Variants in VOPP1 observed in about 807,000 individuals in gnomAD.
VOPP1 encodes the protein WW domain binding protein VOPP1.
In VOPP1, 8 loss-of-function variants were observed where a neutral mutation model predicts 23.5. That is an observed-to-expected ratio of 0.34 (90% confidence interval 0.20 to 0.61). The LOEUF (loss-of-function observed/expected upper bound fraction) is 0.61, where lower values mean the gene tolerates loss of function less well. VOPP1 is among the 20% of genes least tolerant of loss of function. The pLI is 0.78. For synonymous variants in VOPP1, 83 were observed against 97.3 expected (o/e 0.85, Z 0.86); for missense variants, 174 against 238.1 (o/e 0.73, Z 1.77).
At chr7:55,492,242 C>T (rs747245223) in intron 4 of VOPP1, 40 bp downstream of exon 4, 8 of 1,577,614 alleles carry the variant, frequency 5.1e-6, no homozygotes, top group Non-Finnish European at 6.9e-6. Flanking sequence ...GCAGACGACA[C>T]ACACTGTGGG....
At chr7:55,520,996 C>T in intron 2 of VOPP1, 76 bp downstream of exon 2, 1 of 1,494,424 alleles carries the variant, frequency 6.7e-7, no homozygotes, top group African/African-American at 1.4e-5. Flanking sequence ...CATCCCACAC[C>T]CAGAACTTTA....
chr7:55,436,421 G>A (rs1451597774), intron 4 of VOPP1, among the ~76,000 whole-genome samples: 2 of 152,174 alleles, frequency 1.3e-5, no homozygotes, highest in South Asian at 2.1e-4. Flanking sequence ...CCTCTAGTCC[G>A]TGTAAGTGCT....
intron 1 of VOPP1, chr7:55,552,805 G>C: frequency 1.3e-6 from 2 of 1,487,672 alleles, no homozygotes; most frequent in Non-Finnish European, 1.8e-6. Flanking sequence ...CCTCCCATGG[G>C]CTGAGTCACT....
intron 1 of VOPP1, among the ~76,000 whole-genome samples, chr7:55,524,521 A>G (rs1437876201): frequency 1.6e-4 from 25 of 152,244 alleles, no homozygotes; most frequent in Admixed American, 1.6e-3. Context: ...TACTACACAC[A>G]TGTACTAACT....
intron 1 of VOPP1, among the ~76,000 whole-genome samples, chr7:55,532,782 G>A (rs751594682): frequency 6.6e-6 from 1 of 152,112 alleles, no homozygotes; most frequent in Non-Finnish European, 1.5e-5. Flanking sequence ...GCACTGCCAC[G>A]TGTACTCCTC....
At chr7:55,491,747 T>C (rs533923689) in intron 4 of VOPP1, among the ~76,000 whole-genome samples, 11 of 152,362 alleles carry the variant, frequency 7.2e-5, no homozygotes, top group Non-Finnish European at 1.0e-4. Flanking sequence ...AGACTACATG[T>C]GACCTGTACA....
intron 2 of VOPP1, among the ~76,000 whole-genome samples, chr7:55,517,564 A>G (rs761376286): frequency 7.9e-5 from 12 of 152,102 alleles, no homozygotes; most frequent in Non-Finnish European, 1.6e-4. Context: ...CAGCAGGGCG[A>G]GCTGGGCTGG....
At chr7:55,445,226 CACAG>C (rs1208638698) in intron 4 of VOPP1, among the ~76,000 whole-genome samples, 6 of 138,972 alleles carry the variant, frequency 4.3e-5, no homozygotes, top group Admixed American at 1.5e-4. Flanking sequence ...GACACACACA[CACAG>C]ACACACACAC....
intron 1 of VOPP1, chr7:55,531,061 G>A (rs913384369): frequency 2.6e-5 from 4 of 152,164 alleles, no homozygotes; most frequent in Non-Finnish European, 5.9e-5. Context: ...ATACTTAGAG[G>A]TGCCATTTTA....
At chr7:55,443,790 G>A (rs1319374989) in intron 4 of VOPP1, among the ~76,000 whole-genome samples, 7 of 151,640 alleles carry the variant, frequency 4.6e-5, no homozygotes, top group Non-Finnish European at 7.4e-5. Flanking sequence ...GATTATAGGC[G>A]CACATCACCA....
intron 4 of VOPP1, among the ~76,000 whole-genome samples, chr7:55,438,796 G>A (rs989015872): frequency 2.0e-5 from 3 of 152,220 alleles, no homozygotes; most frequent in African/African-American, 7.2e-5. Context: ...ACAGGCAGGA[G>A]CAGAGACCCA....
At chr7:55,495,053 C>G (rs1441952213) in intron 3 of VOPP1, among the ~76,000 whole-genome samples, 2 of 152,000 alleles carry the variant, frequency 1.3e-5, no homozygotes, top group Non-Finnish European at 2.9e-5. Flanking sequence ...TCCCCCCGAC[C>G]CCCCAGCCCC....
intron 2 of VOPP1, among the ~76,000 whole-genome samples, chr7:55,499,185 G>T (rs1381744888): frequency 6.6e-6 from 1 of 152,074 alleles, no homozygotes; most frequent in Non-Finnish European, 1.5e-5. Context: ...GGGTGCAGTG[G>T]CTCACACCTG....
At chr7:55,564,983 G>A (rs79114290) in intron 1 of VOPP1, among the ~76,000 whole-genome samples, 2 of 152,136 alleles carry the variant, frequency 1.3e-5, no homozygotes, top group African/African-American at 2.4e-5. Flanking sequence ...GCAATTGATC[G>A]ATTTCAAACC....
chr7:55,551,955 G>A (rs976318456), intron 1 of VOPP1, among the ~76,000 whole-genome samples: 1 of 148,056 alleles, frequency 6.8e-6, no homozygotes, highest in Non-Finnish European at 1.5e-5. Flanking sequence ...CATGAGAATC[G>A]CTTGAACCTA....
At chr7:55,537,730 C>A (rs1041886648) in intron 1 of VOPP1, 1 of 1,402,866 alleles carries the variant, frequency 7.1e-7, no homozygotes, top group East Asian at 2.6e-5. Flanking sequence ...AAGAAGCCAG[C>A]GCTTGTGACA....
chr7:55,509,814 C>G (rs149292338), intron 2 of VOPP1, among the ~76,000 whole-genome samples: 6 of 152,310 alleles, frequency 3.9e-5, no homozygotes, highest in Non-Finnish European at 7.3e-5. Context: ...CATGGTCTCT[C>G]TCTGTCTTCC....
At chr7:55,495,825 C>T (rs1186367957) in intron 3 of VOPP1, among the ~76,000 whole-genome samples, 6 of 152,240 alleles carry the variant, frequency 3.9e-5, no homozygotes, top group African/African-American at 1.4e-4. Flanking sequence ...CTGGCTACAA[C>T]GCCAGCTTGG....
rs1178499999 is a variant in VOPP1, at chr7:55,516,011, G to A, written c.113+5061C>T. Reference sequence around the variant, plus strand: ...TTCAGGCCGTGCTGGCAAAGGAGCTGAGGAAGCGAGGCCCAAGCAGAAGCT... The same window carrying A: ...TTCAGGCCGTGCTGGCAAAGGAGCTAAGGAAGCGAGGCCCAAGCAGAAGCT... On this transcript the variant is annotated intron_variant, in intron 2 of 4. Coordinates refer to ENST00000285279, the MANE Select transcript of VOPP1 (RefSeq NM_030796.5). 4.1e-6 allele frequency: 4 copies of A among 985,550 alleles called. No individual in the cohort carries two copies. In the East Asian group the frequency reaches 3.4e-4, roughly 84 times the overall value. The allele number at this position is 985,550 out of a possible 1,614,324, so 61.1% of individuals were successfully genotyped here. A position where few individuals can be genotyped will look rare whatever the true frequency, so the allele number is the denominator to read the frequency against.
Sources: gnomAD v4.1 joint callset for allele counts (sites outside exome capture counted in the v4.1 genomes callset) on GRCh38, gnomAD v4.1.1 for gene constraint, MANE v1.5 for transcripts, NCBI Gene and HGNC (gene_info 2026-07-23, HGNC 2026-07-21) for gene names.